MACROD2: variants seen among roughly 807,000 people sequenced by gnomAD.
The protein encoded by MACROD2 is mono-ADP ribosylhydrolase 2.
A neutral mutation model predicts 70.4 loss-of-function variants in MACROD2; 36 were observed. The ratio of observed to expected loss-of-function variants is 0.51; its 90% CI spans 0.39 to 0.68. The LOEUF (loss-of-function observed/expected upper bound fraction) is 0.68. Among genes scored for constraint, MACROD2 ranks in the 30% least tolerant of loss-of-function variants. MACROD2 has a pLI of 0.00. For missense variants in MACROD2, 496 were observed against 538.4 expected, an observed-to-expected ratio of 0.92 and a Z score of 0.78; for synonymous variants, 172 against 178.8, an observed-to-expected ratio of 0.96 and a Z score of 0.30.
At chr20:15,503,701 A>T (rs2146498067) in intron 8 of MACROD2, among the ~76,000 whole-genome samples, 1 of 152,176 alleles carries the variant, frequency 6.6e-6, no homozygotes, top group African/African-American at 2.4e-5. Context: ...GTTATCTTTT[A>T]TTCTCATTCA....
chr20:14,253,005 A>G (rs557430734), intron 3 of MACROD2, among the ~76,000 whole-genome samples: 89 of 152,162 alleles, frequency 5.8e-4, no homozygotes, highest in Admixed American at 5.6e-3. Context: ...TTAGTTTTAC[A>G]GTATGGTATG....
intron 3 of MACROD2, chr20:14,127,959 G>T: frequency 2.0e-6 from 1 of 511,454 alleles, no homozygotes; most frequent in South Asian, 1.5e-5. Flanking sequence ...CGTAGTTGTT[G>T]GGGAAATAGT....
At chr20:15,336,145 G>T (rs1434624699) in intron 6 of MACROD2, among the ~76,000 whole-genome samples, 2 of 151,654 alleles carry the variant, frequency 1.3e-5, no homozygotes, top group Non-Finnish European at 2.9e-5. Context: ...TGAGCATCGT[G>T]TTAGTAAAAT....
At chr20:14,516,992 C>A (rs1015409093) in intron 4 of MACROD2, among the ~76,000 whole-genome samples, 1 of 152,118 alleles carries the variant, frequency 6.6e-6, no homozygotes, top group African/African-American at 2.4e-5. Flanking sequence ...AGTGGGATAC[C>A]ATCTCATGCC....
At chr20:15,571,729 T>C (rs1000111834) in intron 8 of MACROD2, among the ~76,000 whole-genome samples, 1 of 152,124 alleles carries the variant, frequency 6.6e-6, no homozygotes, top group South Asian at 2.1e-4. Flanking sequence ...CTTGTGTTAT[T>C]TGAACTTGGA....
At chr20:15,292,446 G>A (rs2077549125) in intron 6 of MACROD2, among the ~76,000 whole-genome samples, 1 of 152,122 alleles carries the variant, frequency 6.6e-6, no homozygotes, top group African/African-American at 2.4e-5. Context: ...ATTAGCTTTT[G>A]CAATGCTTTC....
intron 5 of MACROD2, among the ~76,000 whole-genome samples, chr20:14,773,570 C>G (rs139286399): frequency 0.014 from 2,067 of 150,004 alleles, 55 homozygotes; most frequent in African/African-American, 0.049. Flanking sequence ...TTATTATGGC[C>G]AAATAATATT....
chr20:15,191,186 A>G (rs559104582), intron 5 of MACROD2, among the ~76,000 whole-genome samples: 154 of 152,308 alleles, frequency 1.0e-3, no homozygotes, highest in Middle Eastern at 3.4e-3. Flanking sequence ...GCAACTATGT[A>G]GAATGTACCT....
chr20:14,102,193 G>A (rs1437675995), intron 3 of MACROD2, among the ~76,000 whole-genome samples: 13 of 151,144 alleles, frequency 8.6e-5, no homozygotes, highest in East Asian at 3.9e-4. Flanking sequence ...TAGTAGAGAC[G>A]GGGTTTCACC....
intron 5 of MACROD2, among the ~76,000 whole-genome samples, chr20:14,966,524 T>C (rs539819862): frequency 6.6e-6 from 1 of 152,312 alleles, no homozygotes; most frequent in Non-Finnish European, 1.5e-5. Context: ...TGCAGTGAGC[T>C]GTGATTGTGT....
chr20:15,195,623 A>G (rs749742349), intron 5 of MACROD2, among the ~76,000 whole-genome samples: 1 of 152,228 alleles, frequency 6.6e-6, no homozygotes, highest in Non-Finnish European at 1.5e-5. Flanking sequence ...ACGCTGTTAC[A>G]CTGTTGGTCG....
chr20:14,089,198 C>G (rs2054118255), intron 3 of MACROD2, among the ~76,000 whole-genome samples: 1 of 152,188 alleles, frequency 6.6e-6, no homozygotes, highest in Non-Finnish European at 1.5e-5. Flanking sequence ...CAAGGATAGT[C>G]TCATCAGGAA....
chr20:15,108,944 G>A (rs1237182951), intron 5 of MACROD2, among the ~76,000 whole-genome samples: 1 of 152,116 alleles, frequency 6.6e-6, no homozygotes, highest in Non-Finnish European at 1.5e-5. Context: ...CTGTTCCACA[G>A]TCCAGATCTG....
intron 4 of MACROD2, among the ~76,000 whole-genome samples, chr20:14,575,689 T>A (rs1406158844): frequency 5.3e-5 from 8 of 152,338 alleles, no homozygotes; most frequent in Admixed American, 2.0e-4. Flanking sequence ...ATATGTACAT[T>A]TTATAAATAA....
intron 5 of MACROD2, among the ~76,000 whole-genome samples, chr20:14,898,904 C>T (rs2073862681): frequency 2.6e-5 from 4 of 152,152 alleles, no homozygotes; most frequent in Non-Finnish European, 5.9e-5. Flanking sequence ...AGGCAACGAC[C>T]AGATGGGAAC....
At chr20:14,693,215 A>G (rs1819585672) in intron 5 of MACROD2, among the ~76,000 whole-genome samples, 1 of 152,210 alleles carries the variant, frequency 6.6e-6, no homozygotes, top group Non-Finnish European at 1.5e-5. Context: ...GGATGTGTTT[A>G]ATCAGAGTTA....
At chr20:14,805,864 G>A (rs1391533752) in intron 5 of MACROD2, among the ~76,000 whole-genome samples, 1 of 152,002 alleles carries the variant, frequency 6.6e-6, no homozygotes, top group African/African-American at 2.4e-5. Flanking sequence ...AGAATTTCAG[G>A]TTGTCTGTTA....
chr20:15,861,691 C>T (rs1231413641), intron 8 of MACROD2, among the ~76,000 whole-genome samples: 2 of 152,158 alleles, frequency 1.3e-5, no homozygotes, highest in Non-Finnish European at 1.5e-5. Flanking sequence ...TATAACCCAG[C>T]CCCTACTTCT....
At chr20:15,113,112 C>A (rs1274748147) in intron 5 of MACROD2, among the ~76,000 whole-genome samples, 1 of 152,128 alleles carries the variant, frequency 6.6e-6, no homozygotes, top group Non-Finnish European at 1.5e-5. Context: ...CTCCTGCTTT[C>A]AATTCTTTTG....
Sources: allele counts gnomAD v4.1 joint callset (sites outside exome capture counted in the v4.1 genomes callset), GRCh38; gene constraint gnomAD v4.1.1; transcripts MANE v1.5; gene names NCBI Gene and HGNC (gene_info 2026-07-23, HGNC 2026-07-21).